PRDM5: variants seen among roughly 807,000 people sequenced by gnomAD.
PRDM5 encodes PR domain zinc finger protein 5.
PRDM5 carries 56 observed loss-of-function variants against 81.2 expected under a neutral mutation model. That is an observed-to-expected ratio of 0.69 (90% confidence interval 0.56 to 0.86). The LOEUF (loss-of-function observed/expected upper bound fraction) is 0.86, where lower values mean the gene tolerates loss of function less well. Ranked by LOEUF, PRDM5 falls within the 40% of genes least tolerant of loss-of-function variation. The pLI is 0.00. For missense variants in PRDM5, 697 were observed against 770.1 expected (o/e 0.91, Z 1.12); for synonymous variants, 267 against 256.4 (o/e 1.04, Z -0.39).
At chr4:120,919,356 C>T (rs772506745) in intron 1 of PRDM5, among the ~76,000 whole-genome samples, 1 of 152,210 alleles carries the variant, frequency 6.6e-6, no homozygotes, top group African/African-American at 2.4e-5. Flanking sequence ...AGTACAGTAC[C>T]TGCCACATAT....
chr4:120,917,492 G>A (rs1724321099), intron 1 of PRDM5, among the ~76,000 whole-genome samples: 1 of 151,590 alleles, frequency 6.6e-6, no homozygotes, highest in Admixed American at 6.6e-5. Flanking sequence ...GTTATCTTGT[G>A]TCTTCCCTCA....
chr4:120,816,765 T>C (rs1754571754), intron 6 of PRDM5, 67 bp downstream of exon 6: 1 of 1,531,280 alleles, frequency 6.5e-7, no homozygotes, highest in East Asian at 2.2e-5. Context: ...CTAAGAAGCA[T>C]GAAAGTATGC....
intron 1 of PRDM5, among the ~76,000 whole-genome samples, chr4:120,920,691 T>C (rs368849573): frequency 6.6e-6 from 1 of 152,378 alleles, no homozygotes; most frequent in South Asian, 2.1e-4. Flanking sequence ...TTTGGGATCA[T>C]AACTAAACAT....
At chr4:120,920,386 G>T (rs1258315467) in intron 1 of PRDM5, among the ~76,000 whole-genome samples, 1 of 152,178 alleles carries the variant, frequency 6.6e-6, no homozygotes, top group African/African-American at 2.4e-5. Flanking sequence ...TTTAAGTAAG[G>T]TTCTTAATGT....
At chr4:120,734,397 CACACACACACACACACACACAAAT>C (rs887573828) in intron 14 of PRDM5, among the ~76,000 whole-genome samples, 4 of 140,966 alleles carry the variant, frequency 2.8e-5, no homozygotes, top group African/African-American at 1.1e-4. Flanking sequence ...GTGGAACACA[CACACACACACACACACACACAAAT>C]ACACACACAC....
At chr4:120,763,735 T>G (rs1245227525) in intron 13 of PRDM5, among the ~76,000 whole-genome samples, 1 of 152,194 alleles carries the variant, frequency 6.6e-6, no homozygotes, top group Non-Finnish European at 1.5e-5. Context: ...TACCAAAGTT[T>G]TATTTAACCC....
At chr4:120,795,940 C>T (rs1227713056) in intron 10 of PRDM5, among the ~76,000 whole-genome samples, 1 of 151,972 alleles carries the variant, frequency 6.6e-6, no homozygotes. Flanking sequence ...TCTGTATATG[C>T]TATCATAATC....
intron 13 of PRDM5, among the ~76,000 whole-genome samples, chr4:120,758,457 C>T (rs1026194804): frequency 6.6e-6 from 1 of 152,032 alleles, no homozygotes; most frequent in Non-Finnish European, 1.5e-5. Flanking sequence ...TAGTGTGGGC[C>T]CCTAATCAAA....
At chr4:120,788,146 C>G (rs909500334) in intron 10 of PRDM5, among the ~76,000 whole-genome samples, 1 of 152,044 alleles carries the variant, frequency 6.6e-6, no homozygotes, top group Non-Finnish European at 1.5e-5. Flanking sequence ...ATACAACTGA[C>G]AAATTTTTGC....
At chr4:120,887,266 AT>A (rs1204933592) in intron 2 of PRDM5, among the ~76,000 whole-genome samples, 18 of 151,100 alleles carry the variant, frequency 1.2e-4, no homozygotes, top group Non-Finnish European at 2.2e-4. Flanking sequence ...TCAATACACA[AT>A]CCATCAGCAA....
At chr4:120,861,011 TTTG>T (rs1222724588) in intron 2 of PRDM5, among the ~76,000 whole-genome samples, 1 of 152,266 alleles carries the variant, frequency 6.6e-6, no homozygotes, top group Admixed American at 6.5e-5. Context: ...CAGTTATCTC[TTTG>T]TTGTTGTTGT....
chr4:120,706,279 G>A (rs1736128572), intron 15 of PRDM5, among the ~76,000 whole-genome samples: 1 of 152,048 alleles, frequency 6.6e-6, no homozygotes, highest in Non-Finnish European at 1.5e-5. Flanking sequence ...ATATTCCTGA[G>A]TTTTAGTGGA....
In PRDM5 at chr4:120,837,662, C is replaced by A. The variant is rs1757517638; in HGVS notation, c.300+15756G>T. 3 of 152,116 alleles carry A rather than the reference C, an allele frequency of 2.0e-5. No homozygotes were observed. In the South Asian group the frequency reaches 6.2e-4, roughly 32 times the overall value. 9.4% of individuals were successfully genotyped at this position (152,116 alleles called of 1,614,324 possible). ...AAGTAAAAAACAAGCTACATAGATG[C>A]ATGCTATATTCCAAAGTCCAGAAAT... On this transcript the variant is annotated intron_variant, in intron 3 of 15. Coordinates refer to ENST00000264808, the MANE Select transcript of PRDM5 (RefSeq NM_018699.4).
At chr4:120,839,119 C>G in intron 3 of PRDM5, 1 of 649,572 alleles carries the variant, frequency 1.5e-6, no homozygotes, top group South Asian at 1.7e-5. Flanking sequence ...AGTCACAGCC[C>G]TGGCTTGGGG....
chr4:120,729,202 A>G (rs922325226), intron 14 of PRDM5, among the ~76,000 whole-genome samples: 3 of 152,216 alleles, frequency 2.0e-5, no homozygotes, highest in Middle Eastern at 3.2e-3. Flanking sequence ...CCATGTTCTT[A>G]GAACATATAA....
At chr4:120,888,377 T>A (rs1561617894) in intron 2 of PRDM5, among the ~76,000 whole-genome samples, 1 of 152,228 alleles carries the variant, frequency 6.6e-6, no homozygotes, top group Non-Finnish European at 1.5e-5. Flanking sequence ...ACAGATGTAT[T>A]CCATTTTCTC....
intron 2 of PRDM5, among the ~76,000 whole-genome samples, chr4:120,866,984 T>C (rs1247701601): frequency 6.6e-6 from 1 of 152,186 alleles, no homozygotes; most frequent in Non-Finnish European, 1.5e-5. Context: ...TTTGACATAT[T>C]GCTGAGATTG....
Position 120,918,853 on chromosome 4 carries a change from G to A in PRDM5, c.93+3663C>T, listed in dbSNP as rs143629460. On this transcript the variant is annotated intron_variant, in intron 1 of 15. Transcript: ENST00000264808. ...CTGTAAAATGAGGATGTGCCAATTA[G>A]ATGATGTCTGTTAACTCAGCAAAAA... Among the ~76,000 whole-genome samples the A allele has an allele frequency of 5.9e-3, 894 of 152,146 alleles. 4 individuals are homozygous for A. Among genetic ancestry groups the A allele is most frequent in the African/African-American group, 0.02 (843 of 41,512 alleles).
chr4:120,817,876 T>A (rs932518262), intron 5 of PRDM5, among the ~76,000 whole-genome samples: 1 of 152,190 alleles, frequency 6.6e-6, no homozygotes, highest in Non-Finnish European at 1.5e-5. Flanking sequence ...AAATTATTCC[T>A]CCAAAGTTGC....
Sources: gnomAD v4.1 joint callset for allele counts (sites outside exome capture counted in the v4.1 genomes callset) on GRCh38, gnomAD v4.1.1 for gene constraint, MANE v1.5 for transcripts, NCBI Gene and HGNC (gene_info 2026-07-23, HGNC 2026-07-21) for gene names.